Variants in RNF212 observed in about 807,000 individuals in gnomAD.
RNF212 encodes the protein probable E3 SUMO-protein ligase RNF212.
In RNF212, 33 loss-of-function variants were observed where a neutral mutation model predicts 34.7. That is an observed-to-expected ratio of 0.95 (90% CI 0.72 to 1.27). The LOEUF is 1.27. Among genes scored for constraint, RNF212 ranks in the 50% most tolerant of loss-of-function variants. The pLI is 0.00. For missense variants in RNF212, 377 were observed against 362.2 expected, an observed-to-expected ratio of 1.04 and a Z score of -0.33; for synonymous variants, 140 against 136.1, an observed-to-expected ratio of 1.03 and a Z score of -0.20.
At chr4:1,058,283 A>AGAAC (rs1717479800) in intron 4 of RNF212, 1 of 721,140 alleles carries the variant, frequency 1.4e-6, no homozygotes, top group African/African-American at 2.0e-5. Context: ...TGCGGGGGTT[A>AGAAC]GAACGCAGTG....
chr4:1,085,885 G>A lies in RNF212; in HGVS notation c.362+11C>T. The A allele has an allele frequency of 1.9e-6, 3 of 1,606,208 alleles. No individual in the cohort carries two copies. Among genetic ancestry groups the A allele is most frequent in the South Asian group, 2.2e-5 (2 of 90,942 alleles). On this transcript the variant is annotated intron_variant, in intron 5 of 9. Coordinates refer to ENST00000433731, the MANE Select transcript of RNF212 (RefSeq NM_001131034.4). ...CTCGACTGCGCACTCACGGGGGGTG[G>A]GGCGCCTTACCTTTGTAGTTGTTCT... is the stretch of plus-strand genomic sequence containing the variant.
intron 3 of RNF212, among the ~76,000 whole-genome samples, chr4:1,091,790 G>A (rs372946674): frequency 2.6e-5 from 4 of 152,300 alleles, no homozygotes; most frequent in South Asian, 4.1e-4. Flanking sequence ...TGACAGCCTC[G>A]CGGTTTCCTG....
intron 7 of RNF212, 21 bp from the exon 8 acceptor site, chr4:1,079,709 G>C: frequency 6.3e-7 from 1 of 1,589,330 alleles, no homozygotes; most frequent in East Asian, 2.2e-5. Context: ...CATAGTGAAA[G>C]GCTTTGAGTG....
At chr4:1,098,198 A>G (rs682243) in intron 2 of RNF212, among the ~76,000 whole-genome samples, 28,000 of 152,092 alleles carry the variant, frequency 0.18, 4,165 homozygotes, top group African/African-American at 0.42. Context: ...GAGTCAAGAC[A>G]GTCATCTAAG....
chr4:1,109,249 C>T (rs1725290803), intron 1 of RNF212, among the ~76,000 whole-genome samples: 1 of 152,198 alleles, frequency 6.6e-6, no homozygotes, highest in Non-Finnish European at 1.5e-5. Flanking sequence ...CTCAGGTGAT[C>T]AGCCCACATC....
At chr4:1,093,285 C>A in intron 3 of RNF212, 9 of 745,848 alleles carry the variant, frequency 1.2e-5, no homozygotes, top group Non-Finnish European at 1.7e-5. Flanking sequence ...TTGGTATTTA[C>A]CCTATTAGAA....
At position 1,072,768 on chromosome 4, in the gene RNF212, G is replaced by A; in HGVS notation, c.*106C>T. The stretch of plus-strand genomic sequence containing the variant: ...AAAAGGTTAATATCCTGCACACTGA[G>A]GGCTTCCACATAAATGACAAAGGAA... On this transcript the variant is annotated 3_prime_UTR_variant, in exon 10 of 10. Transcript: ENST00000433731. 1.4e-6 allele frequency: 2 copies of A among 1,457,892 alleles called. No individual in the cohort carries two copies. Among genetic ancestry groups the A allele is most frequent in the Middle Eastern group, 1.9e-4 (1 of 5,372 alleles). The allele number at this position is 1,457,892 out of a possible 1,614,324, so 90.3% of individuals were successfully genotyped here. A position where few individuals can be genotyped will look rare whatever the true frequency, so the allele number is the denominator to read the frequency against.
At chr4:1,058,459 C>T (rs987452100) in intron 3 of RNF212, 21 of 696,644 alleles carry the variant, frequency 3.0e-5, no homozygotes, top group Admixed American at 1.3e-4. Context: ...TTGAGGACGA[C>T]GACCAGGCCA....
At chr4:1,073,836 G>T (rs575672534) in intron 8 of RNF212, 174 bp from the exon 9 acceptor site, 3 of 627,014 alleles carry the variant, frequency 4.8e-6, no homozygotes, top group Non-Finnish European at 8.8e-6. Flanking sequence ...GACTCTGCCT[G>T]CTGGTGGTAG....
chr4:1,072,684 A>G lies in RNF212; in HGVS notation c.*190T>C, dbSNP rs1718635574. Reference sequence around the variant, plus strand: ...GGATAATAACAATATATATGAGTACATAAAAATATTGTCTCTAAAATTCAA... The same window carrying G: ...GGATAATAACAATATATATGAGTACGTAAAAATATTGTCTCTAAAATTCAA... On this transcript the variant is annotated 3_prime_UTR_variant, in exon 10 of 10. Transcript: ENST00000433731. The G allele has an allele frequency of 7.7e-7, 1 of 1,303,076 alleles. No individual in the cohort carries two copies. The highest frequency in any genetic ancestry group is 1.0e-6 in the Non-Finnish European group (1 of 994,932). 80.7% of individuals were successfully genotyped at this position (1,303,076 alleles called of 1,614,324 possible). A position where few individuals can be genotyped will look rare whatever the true frequency, so the allele number is the denominator to read the frequency against.
chr4:1,061,916 C>T (rs1284084766), intron 3 of RNF212, among the ~76,000 whole-genome samples: 2 of 152,142 alleles, frequency 1.3e-5, no homozygotes, highest in African/African-American at 4.8e-5. Flanking sequence ...GAAACAGAAG[C>T]GTGACCACAC....
At chr4:1,097,141 T>C (rs924987203) in intron 2 of RNF212, among the ~76,000 whole-genome samples, 3 of 152,092 alleles carry the variant, frequency 2.0e-5, no homozygotes, top group African/African-American at 7.2e-5. Flanking sequence ...AAGGTCACCA[T>C]GAATGAAGGC....
intron 3 of RNF212, chr4:1,094,065 C>T: frequency 3.0e-6 from 4 of 1,345,292 alleles, no homozygotes; most frequent in Non-Finnish European, 3.9e-6. Context: ...CAGAGGAGGA[C>T]AGTCTTGGGG....
Position 1,056,597 on chromosome 4 carries a change from A to T in RNF212, n.221-94T>A, listed in dbSNP as rs28720785. 3.0e-3 allele frequency: 1,724 copies of T among 568,800 alleles called. 24 individuals are homozygous for T. In the African/African-American group the frequency reaches 0.034, roughly 11 times the overall value. 35.2% of individuals were successfully genotyped at this position (568,800 alleles called of 1,614,324 possible). On this transcript the variant is annotated intron_variant and non_coding_transcript_variant, in intron 4 of 4. Transcript: ENST00000503206. Reference sequence around the variant, plus strand: ...AAAATGTGTATTTTAAAAAATTCAGATGTCATCTTAGTATTTTCAGAGTAT... The same window carrying T: ...AAAATGTGTATTTTAAAAAATTCAGTTGTCATCTTAGTATTTTCAGAGTAT...
intron 3 of RNF212, among the ~76,000 whole-genome samples, chr4:1,061,935 A>G (rs540653854): frequency 6.6e-6 from 1 of 152,338 alleles, no homozygotes; most frequent in South Asian, 2.1e-4. Context: ...ACTCAGGGAA[A>G]AGGGCAGATG....
At chr4:1,063,839 A>AC (rs1238780408) in intron 3 of RNF212, among the ~76,000 whole-genome samples, 1 of 151,552 alleles carries the variant, frequency 6.6e-6, no homozygotes, top group African/African-American at 2.4e-5. Context: ...AAGACACTGC[A>AC]CTCCAGCCTG....
intron 2 of RNF212, among the ~76,000 whole-genome samples, chr4:1,106,850 C>A (rs373913375): frequency 1.3e-5 from 2 of 152,268 alleles, no homozygotes; most frequent in South Asian, 2.1e-4. Context: ...TTTGCCCTTG[C>A]TTTTTCATTA....
intron 2 of RNF212, chr4:1,099,740 G>A (rs1391072955): frequency 4.4e-6 from 2 of 456,240 alleles, no homozygotes; most frequent in Non-Finnish European, 8.8e-6. Flanking sequence ...CCTTTGCTGC[G>A]TCTGACGTCA....
At position 1,090,812 on chromosome 4, in the gene RNF212, C is replaced by A; in HGVS notation, c.273G>T (p.Arg91Ser). Residue 91 changes from arginine to serine, a missense_variant, in exon 4 of 10, where the codon AGG (arginine) becomes AGT (serine). Physicochemically the swap from Arg to Ser is moderately radical, Grantham distance 110. Coordinates refer to ENST00000433731, the MANE Select transcript of RNF212 (RefSeq NM_001131034.4). ...SQILEFQEKH[R>S]KRLLAFYREK... ...CTCTATAGAAGGCTAACAATCTCTTCCTGTGTTTTTCTTGAAATTCTAAAA... is the reference window on the plus strand; with the variant it reads ...CTCTATAGAAGGCTAACAATCTCTTACTGTGTTTTTCTTGAAATTCTAAAA... 1 of 1,593,748 alleles carries A rather than the reference C, an allele frequency of 6.3e-7. No individual in the cohort carries two copies. Among genetic ancestry groups the A allele is most frequent in the Middle Eastern group, 1.8e-4 (1 of 5,626 alleles).
Sources: gnomAD v4.1 joint callset for allele counts (sites outside exome capture counted in the v4.1 genomes callset) on GRCh38, gnomAD v4.1.1 for gene constraint, MANE v1.5 for transcripts, NCBI Gene and HGNC (gene_info 2026-07-23, HGNC 2026-07-21) for gene names.